The following TBC1D30 variants were observed in gnomAD, a reference collection of about 807,000 sequenced individuals.
TBC1D30 encodes the protein TBC1 domain family, member 30.
Under a neutral mutation model 63.2 loss-of-function variants are expected in TBC1D30, and 31 were observed. The observed-to-expected ratio is 0.49, with a 90% CI of 0.37 to 0.66. The LOEUF is 0.66. Among genes scored for constraint, TBC1D30 ranks in the 30% least tolerant of loss-of-function variants. The probability of loss-of-function intolerance (pLI) is 0.00; values close to 1 mark genes in which losing one functional copy is unlikely to be tolerated. For missense variants in TBC1D30, 810 were observed against 953.6 expected, an observed-to-expected ratio of 0.85 and a Z score of 1.98; for synonymous variants, 307 against 361.5, an observed-to-expected ratio of 0.85 and a Z score of 1.71.
At chr12:64,776,126 C>T (rs574716981), upstream of TBC1D30, among the ~76,000 whole-genome samples, 4 of 152,290 alleles carry the variant, frequency 2.6e-5, no homozygotes, top group East Asian at 7.7e-4. Context: ...ACAGCTAAGG[C>T]AGTGTTAAGA....
In TBC1D30 at chr12:64,880,645, G is replaced by C. The variant is rs1206172069; in HGVS notation, c.*4857G>C. 2 of 152,228 alleles carry C rather than the reference G, an allele frequency of 1.3e-5. No homozygotes were observed. The highest frequency in any genetic ancestry group is 2.4e-5 in the African/African-American group (1 of 41,434). The allele number at this position is 152,228 out of a possible 1,614,324, so 9.4% of individuals were successfully genotyped here. A position where few individuals can be genotyped will look rare whatever the true frequency, so the allele number is the denominator to read the frequency against. ...CGCCTTCAAATACCATCACGTTGAAGGTTGCTTCCTTCCTGGTCGTTTGCT... is the reference window on the plus strand; with the variant it reads ...CGCCTTCAAATACCATCACGTTGAACGTTGCTTCCTTCCTGGTCGTTTGCT... On this transcript the variant is annotated 3_prime_UTR_variant, in exon 12 of 12. Coordinates refer to ENST00000539867, the MANE Select transcript of TBC1D30 (RefSeq NM_015279.2).
rs1454836340 is a variant in TBC1D30, at chr12:64,800,512, G to A, written c.643+14467G>A. ...CCTGGAAGTGGAGGAAAGGCAATGA[G>A]ATATTTAGGAGGGAGATTCAGTGGG... is the stretch of plus-strand genomic sequence containing the variant. On this transcript the variant is annotated intron_variant, in intron 2 of 12. Transcript: ENST00000542120. Among the ~76,000 whole-genome samples, 3 of 152,152 alleles carry A rather than the reference G, an allele frequency of 2.0e-5. No individual in the cohort carries two copies. In the East Asian group the frequency reaches 5.8e-4, roughly 29 times the overall value.
rs866726195 is a variant in TBC1D30, at chr12:64,870,629, C to G, written c.1319C>G (p.Ser440Cys). The G allele has an allele frequency of 7.2e-6, 11 of 1,536,174 alleles. No individual in the cohort carries two copies. The highest frequency in any genetic ancestry group is 5.5e-5 in the African/African-American group (4 of 73,152). ...KEPNEEQSLR[S>C]NNIAELSPGA... Reference sequence around the variant, plus strand: ...CCAAATGAGGAGCAGAGTCTGAGATCTAATAACATTGCAGAGCTGAGTCCA... The same window carrying G: ...CCAAATGAGGAGCAGAGTCTGAGATGTAATAACATTGCAGAGCTGAGTCCA... Residue 440 changes from serine to cysteine, a missense_variant, in exon 11 of 12, where the codon TCT (serine) becomes TGT (cysteine). Ser to Cys is a moderately radical substitution (Grantham distance 112). Coordinates refer to ENST00000539867, the MANE Select transcript of TBC1D30 (RefSeq NM_015279.2).
intron 1 of TBC1D30, among the ~76,000 whole-genome samples, chr12:64,783,632 T>G (rs1486158272): frequency 6.6e-6 from 1 of 151,796 alleles, no homozygotes; most frequent in African/African-American, 2.4e-5. Context: ...CCAGCAGATA[T>G]TGCTGTAAAA....
chr12:64,765,250 T>C (rs779978208), intron 1 of TBC1D30, among the ~76,000 whole-genome samples: 23 of 152,024 alleles, frequency 1.5e-4, no homozygotes, highest in Non-Finnish European at 3.1e-4. Context: ...CCCAGCACTT[T>C]GGGAGGCCGA....
upstream of TBC1D30, among the ~76,000 whole-genome samples, chr12:64,775,833 C>T (rs1871062710): frequency 6.6e-6 from 1 of 152,140 alleles, no homozygotes; most frequent in Non-Finnish European, 1.5e-5. Flanking sequence ...ATACATTCTT[C>T]TCATTGCCAC....
rs571619362 is a variant in TBC1D30, at chr12:64,829,721, T to G, written c.283-656T>G. On this transcript the variant is annotated intron_variant, in intron 3 of 11. Transcript: ENST00000539867. ...AACTTGAAATACACACTTAGGATAT[T>G]AATTTATAAGCCTAATCTTTATATT... Among the ~76,000 whole-genome samples the G allele has an allele frequency of 2.6e-5, 4 of 152,362 alleles. No homozygotes were observed. The South Asian group carries it at 8.3e-4, about 32-fold the overall frequency.
upstream of TBC1D30, among the ~76,000 whole-genome samples, chr12:64,824,047 G>T: frequency 7.2e-6 from 1 of 138,846 alleles, no homozygotes; most frequent in African/African-American, 2.8e-5. Flanking sequence ...ATAGTCTATT[G>T]GTGAATATTG....
chr12:64,860,930 T>A (rs915845863), intron 8 of TBC1D30, among the ~76,000 whole-genome samples: 3 of 152,228 alleles, frequency 2.0e-5, no homozygotes, highest in African/African-American at 7.2e-5. Context: ...GAAATCATCT[T>A]TAGAAGAATA....
intron 1 of TBC1D30, among the ~76,000 whole-genome samples, chr12:64,766,272 G>A (rs950390431): frequency 2.0e-5 from 3 of 152,052 alleles, no homozygotes; most frequent in Non-Finnish European, 4.4e-5. Context: ...ATAATTTTTC[G>A]AAGAAATAAT....
At chr12:64,786,267 A>C (rs1871565406) in intron 2 of TBC1D30, among the ~76,000 whole-genome samples, 2 of 152,238 alleles carry the variant, frequency 1.3e-5, no homozygotes, top group Admixed American at 1.3e-4. Context: ...TCTAGATTTG[A>C]AGTAGTACTT....
At chr12:64,831,958 A>G (rs1251512606) in intron 4 of TBC1D30, among the ~76,000 whole-genome samples, 161 bp from the exon 5 acceptor site, 4 of 152,208 alleles carry the variant, frequency 2.6e-5, no homozygotes, top group Non-Finnish European at 5.9e-5. Flanking sequence ...TGAAAAAGAA[A>G]GCTAAAAATG....
intron 5 of TBC1D30, among the ~76,000 whole-genome samples, chr12:64,835,689 C>T (rs1875286313): frequency 6.6e-6 from 1 of 152,116 alleles, no homozygotes; most frequent in African/African-American, 2.4e-5. Context: ...CTGAAAATAT[C>T]TGACTTCTCC....
chr12:64,784,023 T>G (rs1285892198), intron 1 of TBC1D30, among the ~76,000 whole-genome samples: 1 of 150,794 alleles, frequency 6.6e-6, no homozygotes, highest in Non-Finnish European at 1.5e-5. Flanking sequence ...ATGAAGAGCC[T>G]CTGGTTGCCT....
chr12:64,803,171 T>G (rs1006104298), intron 2 of TBC1D30, among the ~76,000 whole-genome samples: 1 of 152,230 alleles, frequency 6.6e-6, no homozygotes, highest in African/African-American at 2.4e-5. Flanking sequence ...GTTTCCTGAC[T>G]TTTTAATGAT....
intron 1 of TBC1D30, among the ~76,000 whole-genome samples, chr12:64,767,482 C>T (rs1187822442): frequency 2.0e-5 from 3 of 151,548 alleles, no homozygotes; most frequent in African/African-American, 4.8e-5. Context: ...AAGCAGCCAC[C>T]GATTTGGTGA....
At chr12:64,779,335 A>G (rs899550130), upstream of TBC1D30, 1 of 152,248 alleles carries the variant, frequency 6.6e-6, no homozygotes, top group Non-Finnish European at 1.5e-5. Flanking sequence ...AAACAGCAAT[A>G]TAATAATGAA....
At chr12:64,804,013 T>C (rs1371729953) in intron 2 of TBC1D30, among the ~76,000 whole-genome samples, 1 of 152,202 alleles carries the variant, frequency 6.6e-6, no homozygotes, top group African/African-American at 2.4e-5. Flanking sequence ...AACTTCAAAG[T>C]AGTTTTTTTC....
At chr12:64,844,611 G>C (rs546579201) in intron 8 of TBC1D30, among the ~76,000 whole-genome samples, 13 of 152,182 alleles carry the variant, frequency 8.5e-5, no homozygotes, top group African/African-American at 2.4e-4. Context: ...CAAATACTAG[G>C]TCTTATTCAT....
Sources: gnomAD v4.1 joint callset for allele counts (sites outside exome capture counted in the v4.1 genomes callset) on GRCh38, gnomAD v4.1.1 for gene constraint, MANE v1.5 for transcripts, NCBI Gene and HGNC (gene_info 2026-07-23, HGNC 2026-07-21) for gene names.